The following DYM variants were observed in gnomAD, a reference collection of about 807,000 sequenced individuals.
DYM encodes dyggve-Melchior-Clausen syndrome protein.
Under a neutral mutation model 93.1 loss-of-function variants are expected in DYM, and 78 were observed. The ratio of observed to expected loss-of-function variants is 0.84; its 90% CI spans 0.70 to 1.01. The LOEUF is 1.01. Among genes scored for constraint, DYM ranks in the 50% least tolerant of loss-of-function variants. The probability of loss-of-function intolerance (pLI) is 0.00; values close to 1 mark genes in which losing one functional copy is unlikely to be tolerated. For synonymous variants in DYM, 321 were observed against 319.7 expected, an observed-to-expected ratio of 1.00 and a Z score of -0.04; for missense variants, 789 against 845.0, an observed-to-expected ratio of 0.93 and a Z score of 0.82.
rs72500406 is a variant in DYM at position 49,206,003 on chromosome 18, G to GTTTTTTTTTTTTTTT, written c.1625+3547_1625+3548insAAAAAAAAAAAAAAA. On this transcript the variant is annotated intron_variant, in intron 14 of 17. Transcript: ENST00000675505. ...TTGACTAAGGTAGAGTTTTTTTTTT[G>GTTTTTTTTTTTTTTT]TTTTTTTGTTTTTTGCGGAGTCTTG... 7.8e-3 allele frequency: 1,117 copies of GTTTTTTTTTTTTTTT among 142,330 alleles called. 12 individuals are homozygous for GTTTTTTTTTTTTTTT. Among genetic ancestry groups the GTTTTTTTTTTTTTTT allele is most frequent in the Non-Finnish European group, 0.011 (785 of 70,114 alleles). 8.8% of individuals were successfully genotyped at this position (142,330 alleles called of 1,614,324 possible). A position where few individuals can be genotyped will look rare whatever the true frequency, so the allele number is the denominator to read the frequency against.
At chr18:49,139,504 G>C (rs979569304) in intron 15 of DYM, among the ~76,000 whole-genome samples, 1 of 152,086 alleles carries the variant, frequency 6.6e-6, no homozygotes, top group Non-Finnish European at 1.5e-5. Context: ...ACTACTGTTT[G>C]AGGGAGACAA....
At chr18:49,102,248 T>C (rs982096041) in intron 16 of DYM, among the ~76,000 whole-genome samples, 5 of 152,200 alleles carry the variant, frequency 3.3e-5, no homozygotes, top group African/African-American at 1.2e-4. Context: ...CATTAACTTA[T>C]TTAAGGCTGT....
chr18:49,050,165 C>T (rs1173803791), intron 17 of DYM, among the ~76,000 whole-genome samples: 1 of 150,062 alleles, frequency 6.7e-6, no homozygotes, highest in Middle Eastern at 3.2e-3. Context: ...CGGCTCACTG[C>T]AACCTCCGCC....
intron 15 of DYM, among the ~76,000 whole-genome samples, chr18:49,151,737 A>G (rs986308397): frequency 3.3e-5 from 5 of 152,170 alleles, no homozygotes; most frequent in Non-Finnish European, 7.4e-5. Context: ...GCTGCTTTCT[A>G]TTTGCCATGT....
In DYM at chr18:49,258,496, G is replaced by A. The variant is rs923306565; in HGVS notation, c.1252-3C>T. On this transcript the variant is annotated splice_region_variant and splice_polypyrimidine_tract_variant and intron_variant, in intron 11 of 17. Transcript: ENST00000675505. ...TACCAAGTAATATTTTTTAGTATCT[G>A]TAATGGGGAAGAAAAGTTTAAGTAA... 6.5e-7 allele frequency: 1 copy of A among 1,533,422 alleles called. No individual in the cohort carries two copies. 95.0% of individuals were successfully genotyped at this position (1,533,422 alleles called of 1,614,324 possible).
chr18:49,073,918 C>T (rs962516886), intron 17 of DYM, among the ~76,000 whole-genome samples: 1 of 152,100 alleles, frequency 6.6e-6, no homozygotes, highest in African/African-American at 2.4e-5. Flanking sequence ...TGTGCATTCA[C>T]TATAGGGAGG....
chr18:49,338,937 A>G (rs2063869881), intron 6 of DYM, among the ~76,000 whole-genome samples: 1 of 152,262 alleles, frequency 6.6e-6, no homozygotes, highest in Non-Finnish European at 1.5e-5. Flanking sequence ...CAGCAAATGA[A>G]TCCCTGGACA....
chr18:49,146,044 T>C (rs765127588), intron 15 of DYM, among the ~76,000 whole-genome samples: 5 of 152,188 alleles, frequency 3.3e-5, no homozygotes, highest in Non-Finnish European at 5.9e-5. Flanking sequence ...AATTAGCTAA[T>C]TGCCTCCTTT....
intron 5 of DYM, among the ~76,000 whole-genome samples, chr18:49,366,048 T>C (rs34584994): frequency 0.08 from 12,156 of 152,094 alleles, 750 homozygotes; most frequent in East Asian, 0.31. Flanking sequence ...AATAAGCAAT[T>C]TCCAGCTGAA....
chr18:49,168,434 T>C (rs954326985), intron 14 of DYM, among the ~76,000 whole-genome samples: 7 of 152,276 alleles, frequency 4.6e-5, no homozygotes, highest in Middle Eastern at 3.4e-3. Context: ...GAAAGCAGCA[T>C]GTAAACAGAA....
chr18:49,100,440 C>G (rs1158047084), intron 16 of DYM, among the ~76,000 whole-genome samples: 1 of 151,998 alleles, frequency 6.6e-6, no homozygotes, highest in African/African-American at 2.4e-5. Context: ...TTTGTTGACT[C>G]TGCGGCCTAT....
At chr18:49,216,535 G>A (rs932475943) in intron 13 of DYM, among the ~76,000 whole-genome samples, 3 of 152,078 alleles carry the variant, frequency 2.0e-5, no homozygotes, top group South Asian at 2.1e-4. Context: ...TCACACGGCC[G>A]GGTACTCCTT....
At position 49,165,462 on chromosome 18, in the gene DYM, C is replaced by A. The variant is rs570994115; in HGVS notation, c.1626-1675G>T. ...ACTGTAGTATTTAGTAATCCCCTTA[C>A]AAATAAAATATTTAAATATCAATTT... On this transcript the variant is annotated intron_variant, in intron 14 of 17. Transcript: ENST00000675505. Among the ~76,000 whole-genome samples, 33 of 152,040 alleles carry A rather than the reference C, an allele frequency of 2.2e-4. No individual in the cohort carries two copies. The South Asian group carries it at 2.9e-3, about 13-fold the overall frequency.
intron 13 of DYM, among the ~76,000 whole-genome samples, chr18:49,222,507 A>C (rs1285898702): frequency 1.3e-5 from 2 of 152,166 alleles, no homozygotes; most frequent in Non-Finnish European, 2.9e-5. Context: ...CAGTCCTGTC[A>C]AAAAGACATA....
chr18:49,202,898 A>C (rs2092157694), intron 14 of DYM, among the ~76,000 whole-genome samples: 1 of 132,062 alleles, frequency 7.6e-6, no homozygotes, highest in East Asian at 2.6e-4. Context: ...TCCGGGAGGG[A>C]GGTTGGGGGG....
At chr18:49,056,124 C>T (rs2075456148) in intron 17 of DYM, among the ~76,000 whole-genome samples, 1 of 152,176 alleles carries the variant, frequency 6.6e-6, no homozygotes, top group South Asian at 2.1e-4. Flanking sequence ...GTCTCTTCAG[C>T]TGTCACCCTC....
At chr18:49,364,670 C>T (rs2066345347) in intron 5 of DYM, among the ~76,000 whole-genome samples, 1 of 152,168 alleles carries the variant, frequency 6.6e-6, no homozygotes, top group African/African-American at 2.4e-5. Flanking sequence ...CAAAGTACAG[C>T]ATGCCAGACT....
chr18:49,402,949 T>A (rs1345648885), intron 2 of DYM, among the ~76,000 whole-genome samples: 2 of 152,222 alleles, frequency 1.3e-5, no homozygotes, highest in African/African-American at 4.8e-5. Flanking sequence ...AATTTGAGAA[T>A]CGCAGTTCTC....
At chr18:49,154,517 C>T (rs191068433) in intron 15 of DYM, among the ~76,000 whole-genome samples, 5 of 152,148 alleles carry the variant, frequency 3.3e-5, no homozygotes, top group African/African-American at 1.2e-4. Context: ...GCCTCAGTCT[C>T]CCGAATATCT....
Sources: allele counts gnomAD v4.1 joint callset (sites outside exome capture counted in the v4.1 genomes callset), GRCh38; gene constraint gnomAD v4.1.1; transcripts MANE v1.5; gene names NCBI Gene and HGNC (gene_info 2026-07-23, HGNC 2026-07-21).